The following MMP16 variants were observed in gnomAD, a reference collection of about 807,000 sequenced individuals.
The protein encoded by MMP16 is matrix metalloproteinase-16.
Under a neutral mutation model 67.8 loss-of-function variants are expected in MMP16, and 12 were observed. That is an observed-to-expected ratio of 0.18 (90% CI 0.11 to 0.29). The LOEUF is 0.29. MMP16 is among the 10% of genes least tolerant of loss of function. The probability of loss-of-function intolerance (pLI) is 1.00; values close to 1 mark genes in which losing one functional copy is unlikely to be tolerated. For missense variants in MMP16, 475 were observed against 765.7 expected, an observed-to-expected ratio of 0.62 and a Z score of 4.48; for synonymous variants, 249 against 255.9, an observed-to-expected ratio of 0.97 and a Z score of 0.26.
At chr8:88,114,080 T>C (rs1202826075) in intron 6 of MMP16, among the ~76,000 whole-genome samples, 2 of 151,934 alleles carry the variant, frequency 1.3e-5, no homozygotes, top group Non-Finnish European at 1.5e-5. Context: ...GACTTTCATT[T>C]TTTAAATTTG....
chr8:88,221,044 G>T (rs1809674493), intron 1 of MMP16, among the ~76,000 whole-genome samples: 3 of 151,912 alleles, frequency 2.0e-5, no homozygotes, highest in Non-Finnish European at 2.9e-5. Context: ...TCATTTCAGA[G>T]AAAACTTAAC....
chr8:88,073,324 T>C (rs776410309), intron 7 of MMP16, among the ~76,000 whole-genome samples: 23 of 152,212 alleles, frequency 1.5e-4, no homozygotes, highest in Non-Finnish European at 3.1e-4. Context: ...GCAATCTTAC[T>C]AGCAGCAGCA....
chr8:88,156,302 C>T (rs1284124233), intron 4 of MMP16, among the ~76,000 whole-genome samples: 1 of 151,974 alleles, frequency 6.6e-6, no homozygotes, highest in Non-Finnish European at 1.5e-5. Flanking sequence ...GCATCTGGTA[C>T]GTACAGCTTT....
intron 2 of MMP16, among the ~76,000 whole-genome samples, chr8:88,193,579 A>G (rs1476555965): frequency 6.6e-6 from 1 of 152,114 alleles, no homozygotes; most frequent in Non-Finnish European, 1.5e-5. Flanking sequence ...TTTAACTAAA[A>G]GAGTAAGATT....
At chr8:88,269,998 A>G (rs940594406) in intron 1 of MMP16, among the ~76,000 whole-genome samples, 1 of 152,216 alleles carries the variant, frequency 6.6e-6, no homozygotes, top group Admixed American at 6.5e-5. Flanking sequence ...AATCAAGTAT[A>G]CAGCACCTTT....
Position 88,234,448 on chromosome 8 carries a change from G to A in MMP16, c.133-37142C>T, listed in dbSNP as rs148824050. Among the ~76,000 whole-genome samples the A allele has an allele frequency of 3.7e-4, 56 of 152,238 alleles. 1 individual carries two copies. The South Asian group carries it at 5.2e-3, about 14-fold the overall frequency. On this transcript the variant is annotated intron_variant, in intron 1 of 9. Coordinates refer to ENST00000286614, the MANE Select transcript of MMP16 (RefSeq NM_005941.5). ...CCCTCTCATTCCATAAAAAGATTTG[G>A]CCTTAGAATGGATGTATCCAAACTC...
chr8:88,285,284 C>T (rs761700693), intron 1 of MMP16, among the ~76,000 whole-genome samples: 6 of 151,994 alleles, frequency 3.9e-5, no homozygotes, highest in Non-Finnish European at 7.4e-5. Context: ...GGATTACAGG[C>T]GCCTGCCACC....
intron 1 of MMP16, among the ~76,000 whole-genome samples, chr8:88,303,219 G>A (rs938612951): frequency 4.6e-5 from 7 of 152,142 alleles, no homozygotes; most frequent in African/African-American, 1.2e-4. Context: ...AGGCAGCGTC[G>A]TTTTAAGGGC....
Position 88,108,120 on chromosome 8 carries a change from A to G in MMP16, c.1083+8387T>C, listed in dbSNP as rs575879668. Among the ~76,000 whole-genome samples the G allele has an allele frequency of 4.0e-5, 6 of 151,376 alleles. No homozygotes were observed. In the East Asian group the frequency reaches 1.2e-3, roughly 30 times the overall value. ...ATTAAAATCCCTGTTTATACCTTAT[A>G]CCAAAGTAAATTCTAGATGAAGTAT... On this transcript the variant is annotated intron_variant, in intron 6 of 9. Transcript: ENST00000286614.
chr8:88,136,895 T>C (rs1322123984), intron 4 of MMP16, among the ~76,000 whole-genome samples: 1 of 151,780 alleles, frequency 6.6e-6, no homozygotes, highest in East Asian at 1.9e-4. Flanking sequence ...CCTACTAAAA[T>C]ACTTGTTCAA....
At chr8:88,315,502 C>A (rs1811363111) in intron 1 of MMP16, among the ~76,000 whole-genome samples, 1 of 152,148 alleles carries the variant, frequency 6.6e-6, no homozygotes, top group Non-Finnish European at 1.5e-5. Context: ...AATACAGATT[C>A]CCAAACCTCA....
Position 88,263,062 on chromosome 8 carries a change from T to A in MMP16, c.132+64013A>T, listed in dbSNP as rs1018769769. ...AATAAATAAATAAAATAAAAAAAGT[T>A]TTTTTTAATTCAAAAGGAGTGTCGA... On this transcript the variant is annotated intron_variant, in intron 1 of 9. Transcript: ENST00000286614. Among the ~76,000 whole-genome samples the A allele has an allele frequency of 5.6e-5, 4 of 71,250 alleles. No individual in the cohort carries two copies. In the Admixed American group the frequency reaches 5.6e-4, roughly 10 times the overall value. The allele number at this position is 71,250 out of a possible 152,430, so 46.7% of individuals were successfully genotyped here.
intron 1 of MMP16, among the ~76,000 whole-genome samples, chr8:88,209,217 G>A (rs533988766): frequency 2.0e-5 from 3 of 152,020 alleles, no homozygotes. Context: ...TCCACCTCCT[G>A]CACCTCTTCT....
intron 1 of MMP16, among the ~76,000 whole-genome samples, chr8:88,298,125 G>T (rs1811040243): frequency 6.6e-6 from 1 of 152,166 alleles, no homozygotes. Context: ...TGATTAGAAG[G>T]TAAAAGAGAA....
At chr8:88,109,343 T>G (rs1004027154) in intron 6 of MMP16, among the ~76,000 whole-genome samples, 2 of 151,316 alleles carry the variant, frequency 1.3e-5, no homozygotes, top group Non-Finnish European at 3.0e-5. Context: ...TTGCAAATAA[T>G]TACAGCTTTC....
chr8:88,079,879 C>G lies in MMP16; in HGVS notation c.1084-5136G>C, dbSNP rs377730384. Among the ~76,000 whole-genome samples, 5 of 152,278 alleles carry G rather than the reference C, an allele frequency of 3.3e-5. No individual in the cohort carries two copies. In the East Asian group the frequency reaches 9.7e-4, roughly 29 times the overall value. Reference sequence around the variant, plus strand: ...AGTGGGTCCTCACCTTACATAGAATCAGCTGGTGCCTTGACCTTAGACTTC... The same window carrying G: ...AGTGGGTCCTCACCTTACATAGAATGAGCTGGTGCCTTGACCTTAGACTTC... On this transcript the variant is annotated intron_variant, in intron 6 of 9. Coordinates refer to ENST00000286614, the MANE Select transcript of MMP16 (RefSeq NM_005941.5).
chr8:88,199,558 T>C (rs1196317356), intron 1 of MMP16, among the ~76,000 whole-genome samples: 2 of 151,980 alleles, frequency 1.3e-5, no homozygotes, highest in Non-Finnish European at 2.9e-5. Context: ...ATAATATCTT[T>C]TTTGATAAAA....
chr8:88,274,396 T>C (rs1810612692), intron 1 of MMP16, among the ~76,000 whole-genome samples: 1 of 152,126 alleles, frequency 6.6e-6, no homozygotes, highest in African/African-American at 2.4e-5. Flanking sequence ...CTGATTACTT[T>C]TCCAATATTG....
At chr8:88,277,533 G>C (rs1210003225) in intron 1 of MMP16, among the ~76,000 whole-genome samples, 2 of 151,744 alleles carry the variant, frequency 1.3e-5, no homozygotes, top group Admixed American at 1.3e-4. Context: ...ATCGACTATA[G>C]CTGAAACTGT....
Sources: gnomAD v4.1 joint callset for allele counts (sites outside exome capture counted in the v4.1 genomes callset) on GRCh38, gnomAD v4.1.1 for gene constraint, MANE v1.5 for transcripts, NCBI Gene and HGNC (gene_info 2026-07-23, HGNC 2026-07-21) for gene names.